MAMDC2: variants seen among roughly 807,000 people sequenced by gnomAD.
The protein encoded by MAMDC2 is MAM domain containing 2, also known as MAM domain-containing protein 2.
A neutral mutation model predicts 89.8 loss-of-function variants in MAMDC2; 57 were observed. That is an observed-to-expected ratio of 0.63 (90% CI 0.51 to 0.79). MAMDC2 has a LOEUF of 0.79. Ranked by LOEUF, MAMDC2 falls within the 30% of genes least tolerant of loss-of-function variation. The pLI, the probability that MAMDC2 is intolerant of heterozygous loss-of-function variation, is 0.00. For synonymous variants in MAMDC2, 313 were observed against 293.4 expected (o/e 1.07, Z -0.68); for missense variants, 800 against 820.6 (o/e 0.97, Z 0.31).
chr9:70,180,496 C>T (rs2032622924), intron 11 of MAMDC2, among the ~76,000 whole-genome samples: 2 of 150,622 alleles, frequency 1.3e-5, no homozygotes, highest in African/African-American at 4.8e-5. Flanking sequence ...TAAAAGCATT[C>T]CTATTTTTCC....
At chr9:70,075,478 T>G (rs1471601577) in intron 2 of MAMDC2, among the ~76,000 whole-genome samples, 1 of 152,196 alleles carries the variant, frequency 6.6e-6, no homozygotes, top group East Asian at 1.9e-4. Flanking sequence ...TTAAACAAAC[T>G]CCCTCTGGTG....
chr9:70,226,529 T>A lies in MAMDC2; in HGVS notation c.*497T>A, dbSNP rs1260476556. The A allele has an allele frequency of 1.3e-5, 2 of 152,620 alleles. No homozygotes were observed. Among genetic ancestry groups the A allele is most frequent in the Non-Finnish European group, 2.9e-5 (2 of 68,002 alleles). 9.5% of individuals were successfully genotyped at this position (152,620 alleles called of 1,614,324 possible). A position where few individuals can be genotyped will look rare whatever the true frequency, so the allele number is the denominator to read the frequency against. On this transcript the variant is annotated 3_prime_UTR_variant, in exon 14 of 14. Transcript: ENST00000377182. ...TGAGTTAGTCTGGAAAAATAAAGTC[T>A]TATTTTCTATGTTTTATTCATAGAA...
intron 5 of MAMDC2, among the ~76,000 whole-genome samples, chr9:70,121,551 C>G (rs1342444723): frequency 6.6e-6 from 1 of 152,040 alleles, no homozygotes; most frequent in Non-Finnish European, 1.5e-5. Context: ...ATGGGGGAAC[C>G]CATTTCCCCC....
In MAMDC2 at chr9:70,044,011, A is replaced by C; in HGVS notation, c.-187A>C. 1 of 661,656 alleles carries C rather than the reference A, an allele frequency of 1.5e-6. No homozygotes were observed. Among genetic ancestry groups the C allele is most frequent in the Non-Finnish European group, 2.6e-6 (1 of 382,726 alleles). The allele number at this position is 661,656 out of a possible 1,614,324, so 41.0% of individuals were successfully genotyped here. A position where few individuals can be genotyped will look rare whatever the true frequency, so the allele number is the denominator to read the frequency against. Reference sequence around the variant, plus strand: ...GCTCTCCATTCGAGCACCTTCCAGCATACCGCTCGGCTCCGGGAGCCGCTC... The same window carrying C: ...GCTCTCCATTCGAGCACCTTCCAGCCTACCGCTCGGCTCCGGGAGCCGCTC... On this transcript the variant is annotated 5_prime_UTR_variant, in exon 1 of 14. Coordinates refer to ENST00000377182, the MANE Select transcript of MAMDC2 (RefSeq NM_153267.5).
rs956825701 is a variant in MAMDC2, at chr9:70,050,317, A to T, written c.148+5620A>T. On this transcript the variant is annotated intron_variant, in intron 2 of 13. Coordinates refer to ENST00000377182, the MANE Select transcript of MAMDC2 (RefSeq NM_153267.5). ...TGAATGACTGTATTAGATCACAAAC[A>T]TATCCTTAAGTGTTTTCCTACGTGC... is the stretch of plus-strand genomic sequence containing the variant. 2.6e-5 allele frequency among the ~76,000 whole-genome samples: 4 copies of T among 152,322 alleles called. No individual in the cohort carries two copies. In the East Asian group the frequency reaches 7.7e-4, roughly 29 times the overall value.
At chr9:70,222,952 A>G (rs2033591680) in intron 12 of MAMDC2, among the ~76,000 whole-genome samples, 2 of 152,026 alleles carry the variant, frequency 1.3e-5, no homozygotes. Context: ...CAGCCTGGAC[A>G]GCATGGCAAA....
chr9:70,063,391 G>C (rs908886615), intron 2 of MAMDC2: 2 of 152,254 alleles, frequency 1.3e-5, no homozygotes, highest in African/African-American at 4.8e-5. Context: ...AAAGAGGAAA[G>C]TGCTGAGCAG....
At chr9:70,142,327 C>T (rs1042154811) in intron 8 of MAMDC2, among the ~76,000 whole-genome samples, 5 of 151,778 alleles carry the variant, frequency 3.3e-5, no homozygotes, top group Admixed American at 6.6e-5. Flanking sequence ...GGAATGGTGA[C>T]GAGGAGAATG....
At chr9:70,046,990 T>A (rs1826770054) in intron 2 of MAMDC2, among the ~76,000 whole-genome samples, 1 of 152,214 alleles carries the variant, frequency 6.6e-6, no homozygotes, top group Admixed American at 6.5e-5. Flanking sequence ...ATTTCCCTTA[T>A]AAGCCCATTT....
chr9:70,118,055 G>A (rs534494832), intron 5 of MAMDC2, among the ~76,000 whole-genome samples: 2 of 152,304 alleles, frequency 1.3e-5, no homozygotes, highest in African/African-American at 4.8e-5. Flanking sequence ...GGAGACAAAT[G>A]TAGCATGTGC....
intron 11 of MAMDC2, among the ~76,000 whole-genome samples, chr9:70,191,894 A>C (rs907726032): frequency 6.6e-6 from 1 of 152,082 alleles, no homozygotes; most frequent in African/African-American, 2.4e-5. Flanking sequence ...GAATTTCACA[A>C]ATGCCTTAGA....
At chr9:70,092,505 A>T (rs893460530) in intron 2 of MAMDC2, 1 of 152,214 alleles carries the variant, frequency 6.6e-6, no homozygotes, top group Non-Finnish European at 1.5e-5. Context: ...TCAGTTTTAG[A>T]GCAGGCAGGA....
chr9:70,090,532 C>T (rs1183751980), intron 2 of MAMDC2: 1 of 150,796 alleles, frequency 6.6e-6, no homozygotes, highest in Admixed American at 6.6e-5. Flanking sequence ...GAGAGAAACC[C>T]AAATTACAAT....
At chr9:70,079,089 C>T (rs114164621) in intron 2 of MAMDC2, among the ~76,000 whole-genome samples, 176 of 152,256 alleles carry the variant, frequency 1.2e-3, no homozygotes, top group African/African-American at 4.0e-3. Flanking sequence ...TCACTCCAGC[C>T]TCCCCCTAGC....
At chr9:70,053,554 G>A (rs756141866) in intron 2 of MAMDC2, among the ~76,000 whole-genome samples, 15 of 152,204 alleles carry the variant, frequency 9.9e-5, no homozygotes, top group Non-Finnish European at 1.8e-4. Flanking sequence ...GTGGTAGAAG[G>A]TAAAAGGAAT....
Position 70,065,579 on chromosome 9 carries a change from C to CT in MAMDC2, c.148+20899dup, listed in dbSNP as rs34893537. ...CAAGCAGGAGTCAAAACCCCACGTC[C>CT]TTTTTTTTTTTTTTTTTAATACATG... On this transcript the variant is annotated intron_variant, in intron 2 of 13. Transcript: ENST00000377182. Among the ~76,000 whole-genome samples, 418 of 141,394 alleles carry CT rather than the reference C, an allele frequency of 3.0e-3. 3 individuals carry two copies. Among genetic ancestry groups the CT allele is most frequent in the African/African-American group, 7.5e-3 (286 of 38,268 alleles). 92.8% of individuals were successfully genotyped at this position (141,394 alleles called of 152,430 possible).
chr9:70,072,256 A>G (rs1230644662), intron 2 of MAMDC2, among the ~76,000 whole-genome samples: 1 of 152,160 alleles, frequency 6.6e-6, no homozygotes, highest in East Asian at 1.9e-4. Context: ...TCACCTCAGC[A>G]TAACCCGGGA....
chr9:70,056,546 T>A (rs77501525), intron 2 of MAMDC2, among the ~76,000 whole-genome samples: 1,831 of 152,340 alleles, frequency 0.012, 19 homozygotes, highest in Non-Finnish European at 0.017. Flanking sequence ...GTACTGAATA[T>A]TGTATAATAC....
At chr9:70,068,874 A>T (rs561602731) in intron 2 of MAMDC2, among the ~76,000 whole-genome samples, 7 of 152,298 alleles carry the variant, frequency 4.6e-5, no homozygotes, top group Non-Finnish European at 1.0e-4. Context: ...GACAGCAGAA[A>T]AGTTTTCTTA....
Sources: gnomAD v4.1 joint callset for allele counts (sites outside exome capture counted in the v4.1 genomes callset) on GRCh38, gnomAD v4.1.1 for gene constraint, MANE v1.5 for transcripts, NCBI Gene and HGNC (gene_info 2026-07-23, HGNC 2026-07-21) for gene names.